Variants in CGAS observed in about 807,000 individuals in gnomAD.
The protein encoded by CGAS is cyclic GMP-AMP synthase.
A neutral mutation model predicts 34.0 loss-of-function variants in CGAS; 31 were observed. The ratio of observed to expected loss-of-function variants is 0.91; its 90% CI spans 0.69 to 1.23. The LOEUF (loss-of-function observed/expected upper bound fraction) is 1.23, where lower values mean the gene tolerates loss of function less well. Among genes scored for constraint, CGAS ranks in the 50% most tolerant of loss-of-function variants. The probability of loss-of-function intolerance (pLI) is 0.00; values close to 1 mark genes in which losing one functional copy is unlikely to be tolerated. For missense variants in CGAS, 597 were observed against 657.6 expected, an observed-to-expected ratio of 0.91 and a Z score of 1.01; for synonymous variants, 266 against 260.0, an observed-to-expected ratio of 1.02 and a Z score of -0.22.
At chr6:73,439,272 G>A (rs111733741) in intron 3 of CGAS, among the ~76,000 whole-genome samples, 5,586 of 151,106 alleles carry the variant, frequency 0.037, 337 homozygotes, top group African/African-American at 0.13. Flanking sequence ...TACTTCCCAG[G>A]AGTTTGAGAC....
chr6:73,438,164 GA>G (rs1161643928), intron 3 of CGAS, among the ~76,000 whole-genome samples: 1 of 152,206 alleles, frequency 6.6e-6, no homozygotes, highest in Non-Finnish European at 1.5e-5. Context: ...AATGTTTAGA[GA>G]AAGAAAAGAT....
At chr6:73,430,250 A>G (rs1453971702) in intron 3 of CGAS, among the ~76,000 whole-genome samples, 20 of 152,100 alleles carry the variant, frequency 1.3e-4, no homozygotes, top group Admixed American at 9.9e-4. Context: ...ACAGTAAGGG[A>G]AGGAAAAACA....
At chr6:73,428,332 C>T (rs775705536) in intron 4 of CGAS, among the ~76,000 whole-genome samples, 1 of 151,952 alleles carries the variant, frequency 6.6e-6, no homozygotes, top group Non-Finnish European at 1.5e-5. Flanking sequence ...ATAAGAGCGA[C>T]CTTTTGGCCT....
chr6:73,434,223 T>C (rs900752347), intron 3 of CGAS, among the ~76,000 whole-genome samples: 3 of 152,228 alleles, frequency 2.0e-5, no homozygotes, highest in Admixed American at 1.3e-4. Context: ...CAATCGTGAA[T>C]TGAAACCCAC....
chr6:73,446,362 A>G (rs1244041878), intron 1 of CGAS, among the ~76,000 whole-genome samples: 2 of 149,318 alleles, frequency 1.3e-5, no homozygotes, highest in Non-Finnish European at 3.0e-5. Context: ...TGTGTATGAT[A>G]TGTGGTAGGG....
chr6:73,428,711 G>A lies in CGAS; in HGVS notation c.1215C>T (p.Cys405=), dbSNP rs1265354004. ...ATTTAACAAAATAAGGCTGTTACCT[G>A]CAACATTTCTCTTCTTTGTTTTCAC... ...TCCENKEEKC[C]RKDCLKLMKY... The change falls in exon 4 of 5, where the codon TGC becomes TGT. Residue 405 remains cysteine (C), a splice_region_variant and synonymous_variant. Coordinates refer to ENST00000370315, the MANE Select transcript of CGAS (RefSeq NM_138441.3). 1.2e-6 allele frequency: 2 copies of A among 1,608,584 alleles called. No individual in the cohort carries two copies. The highest frequency in any genetic ancestry group is 1.1e-5 in the South Asian group (1 of 89,954).
chr6:73,433,290 C>T, intron 3 of CGAS, among the ~76,000 whole-genome samples: 1 of 150,592 alleles, frequency 6.6e-6, no homozygotes. Flanking sequence ...CAGACAGTGT[C>T]TTGTTATGTT....
chr6:73,433,239 G>T (rs1332534537), intron 3 of CGAS, among the ~76,000 whole-genome samples: 2 of 151,732 alleles, frequency 1.3e-5, no homozygotes, highest in East Asian at 3.9e-4. Flanking sequence ...ACTCAATATT[G>T]TTAACATATC....
intron 4 of CGAS, among the ~76,000 whole-genome samples, chr6:73,428,336 T>C (rs1770125343): frequency 1.3e-5 from 2 of 152,070 alleles, no homozygotes; most frequent in African/African-American, 2.4e-5. Flanking sequence ...GAGCGACCTT[T>C]TGGCCTCCTC....
At chr6:73,450,556 A>G (rs2150019264) in intron 1 of CGAS, among the ~76,000 whole-genome samples, 1 of 152,334 alleles carries the variant, frequency 6.6e-6, no homozygotes, top group South Asian at 2.1e-4. Flanking sequence ...ACCCACAAGC[A>G]AATGGAGCTG....
At chr6:73,450,057 GGA>G (rs1770537028) in intron 1 of CGAS, among the ~76,000 whole-genome samples, 1 of 150,240 alleles carries the variant, frequency 6.7e-6, no homozygotes, top group Non-Finnish European at 1.5e-5. Flanking sequence ...GAGAGAGAGA[GGA>G]AGAGAGGGAG....
In CGAS at chr6:73,424,046, T is replaced by A. The variant is rs751997590; in HGVS notation, c.*1181A>T. On this transcript the variant is annotated 3_prime_UTR_variant, in exon 5 of 5. Transcript: ENST00000370315. ...ATGCTACCTAAAATAAAAAAAGTGT[T>A]ACTGAAAGTAAAAATAAATAGATAA... is the stretch of plus-strand genomic sequence containing the variant. The A allele has an allele frequency of 6.6e-6, 1 of 152,218 alleles. No individual in the cohort carries two copies. The highest frequency in any genetic ancestry group is 2.4e-5 in the African/African-American group (1 of 41,452). The allele number at this position is 152,218 out of a possible 1,614,324, so 9.4% of individuals were successfully genotyped here.
rs1180232974 is a variant in CGAS at position 73,451,954 on chromosome 6, T to A, written c.228A>T (p.Ala76=). Residue 76 remains alanine, a synonymous_variant, in exon 1 of 5, where the codon GCA becomes GCT. Transcript: ENST00000370315. ...PDTQERPPVR[A]TGARAKKAPQ... The stretch of plus-strand genomic sequence containing the variant: ...GGGCCTTTTTGGCGCGGGCCCCAGT[T>A]GCGCGGACGGGCGGCCTCTCCTGGG... 2.0e-6 allele frequency: 3 copies of A among 1,490,436 alleles called. No homozygotes were observed. Among genetic ancestry groups the A allele is most frequent in the Non-Finnish European group, 2.7e-6 (3 of 1,118,852 alleles). The allele number at this position is 1,490,436 out of a possible 1,614,324, so 92.3% of individuals were successfully genotyped here.
rs1170257317 is a variant in CGAS at position 73,440,373 on chromosome 6, G to C, written c.950C>G (p.Ser317Cys). 6.2e-7 allele frequency: 1 copy of C among 1,614,126 alleles called. No individual in the cohort carries two copies. Among genetic ancestry groups the C allele is most frequent in the Admixed American group, 1.7e-5 (1 of 59,992 alleles). The change falls in exon 3 of 5, where the codon TCT (serine) becomes TGT (cysteine). Residue 317 changes from serine to cysteine, a missense_variant. This residue lies in a region of CGAS where 271 missense variants were observed against 324.1 expected (regional missense o/e 0.84). Transcript: ENST00000370315. ...AVTLLISEKI[S>C]VDITLALESK... is the part of the protein sequence containing the mutation. The stretch of plus-strand genomic sequence containing the variant: ...TTCCAAAGCCAGGGTTATATCCACA[G>C]ATATTTTTTCACTAATAAGAAGTGT...
intron 2 of CGAS, among the ~76,000 whole-genome samples, 193 bp from the exon 3 acceptor site, chr6:73,440,638 A>G (rs1427477441): frequency 6.6e-6 from 1 of 152,192 alleles, no homozygotes; most frequent in African/African-American, 2.4e-5. Context: ...ATGATGGCTC[A>G]TGCCTGTAAT....
chr6:73,450,395 A>G (rs1479466687), intron 1 of CGAS, among the ~76,000 whole-genome samples: 1 of 151,436 alleles, frequency 6.6e-6, no homozygotes, highest in African/African-American at 2.4e-5. Flanking sequence ...AGCCTGGGTA[A>G]CAAGAGCGAA....
intron 2 of CGAS, 59 bp downstream of exon 2, chr6:73,445,469 T>G: frequency 1.6e-6 from 2 of 1,228,344 alleles, no homozygotes; most frequent in Non-Finnish European, 2.3e-6. Flanking sequence ...AATGGGAGTG[T>G]ACATTGGCAA....
chr6:73,433,071 G>A (rs771162036), intron 3 of CGAS, among the ~76,000 whole-genome samples: 10 of 152,040 alleles, frequency 6.6e-5, no homozygotes, highest in Non-Finnish European at 1.2e-4. Flanking sequence ...GTGACAGAGC[G>A]AGACTCCATC....
chr6:73,426,329 TAAATGAAATG>T (rs571072520), intron 4 of CGAS, among the ~76,000 whole-genome samples: 33 of 146,160 alleles, frequency 2.3e-4, no homozygotes, highest in African/African-American at 7.6e-4. Flanking sequence ...TAAAATGAAA[TAAATGAAATG>T]AAATGAAATG....
Sources: gnomAD v4.1 joint callset for allele counts (sites outside exome capture counted in the v4.1 genomes callset) on GRCh38, gnomAD v4.1.1 for gene constraint, gnomAD v4.1.1 regional missense constraint, MANE v1.5 for transcripts, NCBI Gene and HGNC (gene_info 2026-07-23, HGNC 2026-07-21) for gene names.